The following AAMDC variants were observed in gnomAD, a reference collection of about 807,000 sequenced individuals.
AAMDC encodes mth938 domain-containing protein.
A neutral mutation model predicts 15.5 loss-of-function variants in AAMDC; 16 were observed. That is an observed-to-expected ratio of 1.03 (90% CI 0.70 to 1.57). The LOEUF (loss-of-function observed/expected upper bound fraction) is 1.57, where lower values mean the gene tolerates loss of function less well. Among genes scored for constraint, AAMDC ranks in the 40% most tolerant of loss-of-function variants. The pLI is 0.00. For missense variants in AAMDC, 141 were observed against 144.9 expected (o/e 0.97, Z 0.14); for synonymous variants, 51 against 51.6 (o/e 0.99, Z 0.05).
intron 2 of AAMDC, chr11:77,850,804 A>G (rs959354889): frequency 1.3e-5 from 2 of 150,900 alleles, no homozygotes; most frequent in Admixed American, 1.3e-4. Flanking sequence ...ACACACACAC[A>G]CATACACTCA....
intron 5 of AAMDC, among the ~76,000 whole-genome samples, chr11:77,890,215 C>G (rs1340037891): frequency 6.6e-6 from 1 of 152,188 alleles, no homozygotes; most frequent in East Asian, 1.9e-4. Context: ...AGAACTAGTT[C>G]TCTGCAGGTC....
intron 5 of AAMDC, chr11:77,900,556 T>A (rs1379090804): frequency 1.5e-6 from 1 of 671,628 alleles, no homozygotes; most frequent in African/African-American, 1.8e-5. Context: ...TGGCACTTTT[T>A]TTTTTTTGAC....
intron 2 of AAMDC, among the ~76,000 whole-genome samples, chr11:77,867,236 A>G (rs546212810): frequency 7.2e-5 from 11 of 152,204 alleles, no homozygotes; most frequent in African/African-American, 2.6e-4. Flanking sequence ...CCCATTTGTT[A>G]TCTCTTTGAT....
intron 2 of AAMDC, among the ~76,000 whole-genome samples, chr11:77,845,728 C>T (rs1950119746): frequency 6.6e-6 from 1 of 152,152 alleles, no homozygotes; most frequent in Non-Finnish European, 1.5e-5. Flanking sequence ...ACACCTAGCC[C>T]AGAATTTCTG....
At chr11:77,895,563 A>C in intron 5 of AAMDC, among the ~76,000 whole-genome samples, 1 of 133,962 alleles carries the variant, frequency 7.5e-6, no homozygotes, top group African/African-American at 2.8e-5. Context: ...AAAAAGTAGC[A>C]CTTGAAAGTT....
intron 5 of AAMDC, among the ~76,000 whole-genome samples, chr11:77,890,194 A>T (rs1330141857): frequency 1.3e-5 from 2 of 152,220 alleles, no homozygotes; most frequent in African/African-American, 2.4e-5. Context: ...ATACAACTTC[A>T]CAGCTAGCTC....
At chr11:77,863,340 G>A (rs537028480) in intron 2 of AAMDC, among the ~76,000 whole-genome samples, 1 of 152,284 alleles carries the variant, frequency 6.6e-6, no homozygotes, top group African/African-American at 2.4e-5. Flanking sequence ...GGTCTGTGAT[G>A]GCGGCAAAGA....
At chr11:77,875,431 T>C (rs1951569279), downstream of AAMDC, among the ~76,000 whole-genome samples, 1 of 152,176 alleles carries the variant, frequency 6.6e-6, no homozygotes, top group Admixed American at 6.5e-5. Flanking sequence ...TTTTTTAACT[T>C]TCATGAAAAT....
intron 5 of AAMDC, among the ~76,000 whole-genome samples, chr11:77,897,628 G>A (rs1268238675): frequency 3.3e-5 from 5 of 149,512 alleles, no homozygotes; most frequent in Non-Finnish European, 7.4e-5. Flanking sequence ...AGCCTCCCGA[G>A]TAGCTGGGAT....
At chr11:77,833,064 T>G (rs1468313401) in intron 1 of AAMDC, among the ~76,000 whole-genome samples, 1 of 134,228 alleles carries the variant, frequency 7.5e-6, no homozygotes, top group East Asian at 2.3e-4. Flanking sequence ...CAGGCTGGAG[T>G]GCAATGGCAG....
At chr11:77,833,005 ATATATTTT>A (rs1949516845) in intron 1 of AAMDC, among the ~76,000 whole-genome samples, 2 of 65,750 alleles carry the variant, frequency 3.0e-5, no homozygotes, top group African/African-American at 1.5e-4. Flanking sequence ...GTGTATATAT[ATATATTTT>A]TTTTTTTTTT....
chr11:77,851,113 C>T (rs1950362726), intron 2 of AAMDC: 1 of 152,108 alleles, frequency 6.6e-6, no homozygotes, highest in Admixed American at 6.6e-5. Flanking sequence ...TGCCACCACG[C>T]CCGGCTAATT....
At chr11:77,875,848 GC>G (rs1951579668), downstream of AAMDC, among the ~76,000 whole-genome samples, 1 of 152,116 alleles carries the variant, frequency 6.6e-6, no homozygotes, top group African/African-American at 2.4e-5. Context: ...AGGTCCAAAG[GC>G]CTAGAGGTGA....
At chr11:77,862,749 A>T (rs1469165928) in intron 2 of AAMDC, among the ~76,000 whole-genome samples, 1 of 152,186 alleles carries the variant, frequency 6.6e-6, no homozygotes, top group Non-Finnish European at 1.5e-5. Flanking sequence ...TCTTTTCTAC[A>T]AAAGAGGTCT....
chr11:77,903,628 G>C (rs1952847200), downstream of AAMDC: 2 of 1,610,060 alleles, frequency 1.2e-6, no homozygotes, highest in Non-Finnish European at 1.7e-6. Flanking sequence ...GGCCTACGCA[G>C]ACAAATCAGG....
chr11:77,892,029 T>C (rs1414514098), intron 5 of AAMDC, among the ~76,000 whole-genome samples: 2 of 152,226 alleles, frequency 1.3e-5, no homozygotes, highest in Admixed American at 6.5e-5. Context: ...GAAAGGCCTC[T>C]GTTTATTGAT....
At chr11:77,845,517 G>A (rs542414847) in intron 2 of AAMDC, among the ~76,000 whole-genome samples, 4 of 151,754 alleles carry the variant, frequency 2.6e-5, no homozygotes, top group South Asian at 4.2e-4. Flanking sequence ...TGCAACCTCC[G>A]CCTCCCAGGT....
chr11:77,869,978 G>A, intron 3 of AAMDC, 161 bp downstream of exon 3: 1 of 582,008 alleles, frequency 1.7e-6, no homozygotes, highest in East Asian at 2.9e-5. Context: ...TGCCTCATCA[G>A]CGTTGGGCTC....
At chr11:77,872,456 G>A, downstream of AAMDC, 1 of 998,100 alleles carries the variant, frequency 1.0e-6, no homozygotes, top group Non-Finnish European at 1.4e-6. Flanking sequence ...ATGCAGGGAT[G>A]ACCAAGACAA....
Sources: allele counts gnomAD v4.1 joint callset (sites outside exome capture counted in the v4.1 genomes callset), GRCh38; gene constraint gnomAD v4.1.1; transcripts MANE v1.5; gene names NCBI Gene and HGNC (gene_info 2026-07-23, HGNC 2026-07-21).